The following SEC22A variants were observed in gnomAD, a reference collection of about 807,000 sequenced individuals.
SEC22A encodes the protein vesicle-trafficking protein SEC22a.
Under a neutral mutation model 35.3 loss-of-function variants are expected in SEC22A, and 22 were observed. That is an observed-to-expected ratio of 0.62 (90% CI 0.45 to 0.89). SEC22A has a LOEUF of 0.89. SEC22A is among the 40% of genes least tolerant of loss of function. The pLI is 0.00. For synonymous variants in SEC22A, 119 were observed against 129.5 expected, an observed-to-expected ratio of 0.92 and a Z score of 0.55; for missense variants, 354 against 362.5, an observed-to-expected ratio of 0.98 and a Z score of 0.19.
chr3:123,236,813 G>T (rs866037172), intron 4 of SEC22A, among the ~76,000 whole-genome samples: 8 of 150,668 alleles, frequency 5.3e-5, no homozygotes, highest in Admixed American at 3.3e-4. Flanking sequence ...TAAGAAACAC[G>T]CACACACACA....
At chr3:123,263,832 A>G (rs1937957921) in intron 6 of SEC22A, among the ~76,000 whole-genome samples, 1 of 152,134 alleles carries the variant, frequency 6.6e-6, no homozygotes, top group South Asian at 2.1e-4. Context: ...CTGGAGATTC[A>G]GCCAAGTTGT....
Position 123,271,831 on chromosome 3 carries a change from C to G in SEC22A, c.*109C>G. The G allele has an allele frequency of 1.1e-6, 1 of 901,732 alleles. No homozygotes were observed. 55.9% of individuals were successfully genotyped at this position (901,732 alleles called of 1,614,324 possible). A position where few individuals can be genotyped will look rare whatever the true frequency, so the allele number is the denominator to read the frequency against. On this transcript the variant is annotated 3_prime_UTR_variant, in exon 7 of 7. Coordinates refer to ENST00000492595, the MANE Select transcript of SEC22A (RefSeq NM_012430.5). ...CCCCACAGAGGAGAAGCTCTGCTTT[C>G]TTTCTCTCCAACTTTCCTTTTTTAA...
chr3:123,209,318 G>T lies in SEC22A; in HGVS notation c.101G>T (p.Arg34Ile). The T allele has an allele frequency of 1.2e-6, 2 of 1,614,088 alleles. No homozygotes were observed. The highest frequency in any genetic ancestry group is 1.7e-6 in the Non-Finnish European group (2 of 1,179,964). ...YEQSTGMQECRKYFKMLSRKL... is the reference protein window; with the variant it reads ...YEQSTGMQECIKYFKMLSRKL... ...CAAAGCACAGGAATGCAGGAGTGCA[G>T]AAAGTATTTTAAAATGCTTTCGAGG... Residue 34 changes from arginine to isoleucine, a missense_variant, in exon 2 of 7, where the codon AGA (arginine) becomes ATA (isoleucine). By Grantham distance (97) the Arg-to-Ile change is moderately conservative. Coordinates refer to ENST00000492595, the MANE Select transcript of SEC22A (RefSeq NM_012430.5).
At position 123,252,004 on chromosome 3, in the gene SEC22A, T is replaced by C. The variant is rs183381455; in HGVS notation, c.657+5990T>C. 6.8e-4 allele frequency among the ~76,000 whole-genome samples: 104 copies of C among 152,296 alleles called. 1 individual carries two copies. The highest frequency in any genetic ancestry group is 2.2e-3 in the African/African-American group (90 of 41,564). ...TGTAAATGGACACAATGATAAACTT[T>C]AGAGGTTTAAACCAGATAGGTTCAA... is the stretch of plus-strand genomic sequence containing the variant. On this transcript the variant is annotated intron_variant, in intron 5 of 6. Transcript: ENST00000492595.
At chr3:123,238,201 T>C (rs1476629050) in intron 4 of SEC22A, among the ~76,000 whole-genome samples, 1 of 152,154 alleles carries the variant, frequency 6.6e-6, no homozygotes, top group African/African-American at 2.4e-5. Flanking sequence ...TATTTTATTT[T>C]ATTTTTATTT....
At chr3:123,207,108 G>A (rs1466839497) in intron 1 of SEC22A, among the ~76,000 whole-genome samples, 1 of 152,118 alleles carries the variant, frequency 6.6e-6, no homozygotes, top group Non-Finnish European at 1.5e-5. Context: ...ATATTAAAGG[G>A]TAATGACACA....
At chr3:123,244,227 A>G (rs1404853888) in intron 4 of SEC22A, among the ~76,000 whole-genome samples, 2 of 152,202 alleles carry the variant, frequency 1.3e-5, no homozygotes, top group Non-Finnish European at 2.9e-5. Context: ...TTGTGGGCAG[A>G]TGGAGTATTC....
chr3:123,243,354 C>T (rs2108074408), intron 4 of SEC22A, among the ~76,000 whole-genome samples: 1 of 152,192 alleles, frequency 6.6e-6, no homozygotes, highest in Non-Finnish European at 1.5e-5. Context: ...GCACTTGGTG[C>T]CTGGCGTGTT....
intron 4 of SEC22A, among the ~76,000 whole-genome samples, chr3:123,244,795 ATACTC>A (rs1309866799): frequency 3.3e-5 from 5 of 152,198 alleles, no homozygotes; most frequent in African/African-American, 1.2e-4. Context: ...TTTAAATAAA[ATACTC>A]TAAATGTGGT....
At chr3:123,254,952 C>G (rs942780584) in intron 5 of SEC22A, among the ~76,000 whole-genome samples, 6 of 142,050 alleles carry the variant, frequency 4.2e-5, no homozygotes, top group Non-Finnish European at 9.0e-5. Context: ...TCTCATTGTT[C>G]AGTTCCCACC....
intron 6 of SEC22A, among the ~76,000 whole-genome samples, chr3:123,264,382 A>G (rs547456210): frequency 3.3e-5 from 5 of 152,216 alleles, no homozygotes; most frequent in Admixed American, 3.3e-4. Context: ...AAACTGAAAA[A>G]CTTTTCCAGA....
At chr3:123,213,216 G>A (rs1243771903) in intron 2 of SEC22A, among the ~76,000 whole-genome samples, 1 of 152,148 alleles carries the variant, frequency 6.6e-6, no homozygotes, top group Non-Finnish European at 1.5e-5. Context: ...TTCTATCATT[G>A]ATAAGAGATC....
intron 2 of SEC22A, among the ~76,000 whole-genome samples, chr3:123,210,540 T>C (rs188448563): frequency 1.6e-4 from 24 of 152,292 alleles, no homozygotes; most frequent in Admixed American, 2.6e-4. Flanking sequence ...GGGGCACTGC[T>C]AGGTAAGCAG....
chr3:123,246,581 G>T (rs530195594), intron 5 of SEC22A, among the ~76,000 whole-genome samples: 46 of 152,242 alleles, frequency 3.0e-4, no homozygotes, highest in African/African-American at 9.9e-4. Context: ...TTCAGATATT[G>T]CTAACTATTA....
At chr3:123,213,056 CTAGTTCAAGAA>C (rs756469870) in intron 2 of SEC22A, among the ~76,000 whole-genome samples, 1 of 152,134 alleles carries the variant, frequency 6.6e-6, no homozygotes, top group Non-Finnish European at 1.5e-5. Flanking sequence ...CTAATCTGGT[CTAGTTCAAGAA>C]TACAATTCAG....
chr3:123,204,828 C>A (rs181940980), intron 1 of SEC22A: 1 of 152,244 alleles, frequency 6.6e-6, no homozygotes, highest in East Asian at 1.9e-4. Context: ...GGAGAAATGG[C>A]CCAGTGCCCT....
In SEC22A at chr3:123,273,315, G is replaced by A. The variant is rs767566944; in HGVS notation, c.*1593G>A. 5 of 152,164 alleles carry A rather than the reference G, an allele frequency of 3.3e-5. No homozygotes were observed. The highest frequency in any genetic ancestry group is 5.9e-5 in the Non-Finnish European group (4 of 68,048). 9.4% of individuals were successfully genotyped at this position (152,164 alleles called of 1,614,324 possible). A position where few individuals can be genotyped will look rare whatever the true frequency, so the allele number is the denominator to read the frequency against. On this transcript the variant is annotated 3_prime_UTR_variant, in exon 7 of 7. Coordinates refer to ENST00000492595, the MANE Select transcript of SEC22A (RefSeq NM_012430.5). ...TGCACCCTCCTTTTAGGAGAATGAG[G>A]TAAAAGGAAGACAATAAGCTTATGA...
chr3:123,255,991 G>T (rs1350911297), intron 5 of SEC22A, among the ~76,000 whole-genome samples: 1 of 149,742 alleles, frequency 6.7e-6, no homozygotes, highest in Non-Finnish European at 1.5e-5. Context: ...TTCCAAAATT[G>T]AATTCAATAT....
chr3:123,248,660 A>C lies in SEC22A; in HGVS notation c.657+2646A>C, dbSNP rs911379938. On this transcript the variant is annotated intron_variant, in intron 5 of 6. Coordinates refer to ENST00000492595, the MANE Select transcript of SEC22A (RefSeq NM_012430.5). The stretch of plus-strand genomic sequence containing the variant: ...ATTGTTTAGGTATCATTTCTTCCCA[A>C]CTTGGTCTATAGATTCAATACAGTC... Among the ~76,000 whole-genome samples, 4 of 152,230 alleles carry C rather than the reference A, an allele frequency of 2.6e-5. No individual in the cohort carries two copies. The East Asian group carries it at 7.7e-4, about 29-fold the overall frequency.
Sources: allele counts gnomAD v4.1 joint callset (sites outside exome capture counted in the v4.1 genomes callset), GRCh38; gene constraint gnomAD v4.1.1; transcripts MANE v1.5; gene names NCBI Gene and HGNC (gene_info 2026-07-23, HGNC 2026-07-21).